The following SOX6 variants were observed in gnomAD, a reference collection of about 807,000 sequenced individuals.
SOX6 encodes the protein transcription factor SOX-6.
A neutral mutation model predicts 97.8 loss-of-function variants in SOX6; 11 were observed. That is an observed-to-expected ratio of 0.11 (90% confidence interval 0.07 to 0.19). The LOEUF is 0.19. Ranked by LOEUF, SOX6 falls within the 10% of genes least tolerant of loss-of-function variation. The pLI, the probability that SOX6 is intolerant of heterozygous loss-of-function variation, is 1.00. For missense variants in SOX6, 810 were observed against 1,039.5 expected, an observed-to-expected ratio of 0.78 and a Z score of 3.04; for synonymous variants, 360 against 371.4, an observed-to-expected ratio of 0.97 and a Z score of 0.35.
intron 4 of SOX6, among the ~76,000 whole-genome samples, chr11:16,579,207 G>A (rs1049502196): frequency 5.9e-5 from 9 of 151,796 alleles, no homozygotes; most frequent in Non-Finnish European, 8.8e-5. Context: ...TGTATACATA[G>A]CCTTTTTAGA....
chr11:16,293,198 C>T (rs1854965947), intron 3 of SOX6, among the ~76,000 whole-genome samples: 1 of 152,110 alleles, frequency 6.6e-6, no homozygotes, highest in Non-Finnish European at 1.5e-5. Flanking sequence ...CCATCATGTT[C>T]TCACACTGAA....
intron 3 of SOX6, among the ~76,000 whole-genome samples, chr11:16,669,370 T>C (rs963667632): frequency 6.6e-5 from 10 of 152,196 alleles, no homozygotes; most frequent in Non-Finnish European, 1.2e-4. Flanking sequence ...TAGAGCAACA[T>C]GGAGCCAAGG....
intron 4 of SOX6, among the ~76,000 whole-genome samples, chr11:16,514,013 C>A (rs895080579): frequency 4.6e-5 from 7 of 151,994 alleles, no homozygotes; most frequent in African/African-American, 1.7e-4. Context: ...GAGTTTGAGA[C>A]CAGCCTGGGC....
At chr11:16,657,863 T>A (rs1446364513) in intron 3 of SOX6, among the ~76,000 whole-genome samples, 1 of 152,204 alleles carries the variant, frequency 6.6e-6, no homozygotes, top group Admixed American at 6.5e-5. Flanking sequence ...GTTCCTTATA[T>A]GAAGGTTCTG....
chr11:16,420,089 AATTGTTCTCTTCTTACTCTG>A (rs1386601024), intron 1 of SOX6, among the ~76,000 whole-genome samples: 1 of 152,214 alleles, frequency 6.6e-6, no homozygotes, highest in African/African-American at 2.4e-5. Flanking sequence ...TCACAAATGT[AATTGTTCTCTTCTTACTCTG>A]ACGTTTTTAA....
intron 3 of SOX6, among the ~76,000 whole-genome samples, chr11:16,632,173 C>T (rs1363691512): frequency 6.6e-6 from 1 of 152,130 alleles, no homozygotes; most frequent in East Asian, 1.9e-4. Flanking sequence ...CAAAATTCTT[C>T]CTTTGGTTCC....
intron 1 of SOX6, among the ~76,000 whole-genome samples, chr11:16,407,040 T>G (rs1297178500): frequency 6.6e-6 from 1 of 152,140 alleles, no homozygotes; most frequent in Non-Finnish European, 1.5e-5. Flanking sequence ...TGTGAATCAG[T>G]TATACCTTAA....
chr11:16,521,576 T>C (rs567621481), intron 4 of SOX6, among the ~76,000 whole-genome samples: 1 of 152,240 alleles, frequency 6.6e-6, no homozygotes, highest in Admixed American at 6.5e-5. Context: ...GCAGAGCGCC[T>C]CTTCTCCTCC....
intron 4 of SOX6, among the ~76,000 whole-genome samples, chr11:16,502,808 C>T (rs908429941): frequency 6.6e-6 from 1 of 152,134 alleles, no homozygotes; most frequent in Non-Finnish European, 1.5e-5. Context: ...TTAACCAATT[C>T]ATAGCTAAAA....
chr11:16,616,901 C>T (rs1565194520), intron 3 of SOX6, among the ~76,000 whole-genome samples: 1 of 151,854 alleles, frequency 6.6e-6, no homozygotes, highest in Non-Finnish European at 1.5e-5. Flanking sequence ...TTCCAAACAA[C>T]ATCTTTTAAT....
intron 6 of SOX6, among the ~76,000 whole-genome samples, chr11:16,148,845 C>T (rs1203343033): frequency 6.6e-6 from 1 of 151,954 alleles, no homozygotes; most frequent in South Asian, 2.1e-4. Flanking sequence ...GCCCTTCCCC[C>T]AACATTAAGA....
intron 3 of SOX6, among the ~76,000 whole-genome samples, chr11:16,252,168 A>G (rs1233999785): frequency 6.6e-6 from 1 of 152,212 alleles, no homozygotes; most frequent in Non-Finnish European, 1.5e-5. Flanking sequence ...AAAAGAAGCA[A>G]AAAGAACATA....
At position 16,662,850 on chromosome 11, in the gene SOX6, C is replaced by T. The variant is rs374713634; in HGVS notation, n.430-50590G>A. On this transcript the variant is annotated intron_variant and non_coding_transcript_variant, in intron 3 of 5. Coordinates refer to the SOX6 transcript ENST00000524520. ...ATCTGACTAAAGGCACTTGCCATCA[C>T]GCCTGGCTTTTTTGGGGGAGGCGGG... 2.6e-4 allele frequency among the ~76,000 whole-genome samples: 39 copies of T among 152,182 alleles called. No individual in the cohort carries two copies. In the South Asian group the frequency reaches 6.6e-3, roughly 26 times the overall value.
At chr11:16,111,406 T>C (rs529391154) in intron 7 of SOX6, among the ~76,000 whole-genome samples, 2 of 152,328 alleles carry the variant, frequency 1.3e-5, no homozygotes, top group African/African-American at 4.8e-5. Context: ...CTAAGAGAAG[T>C]CTGACAACAA....
intron 3 of SOX6, among the ~76,000 whole-genome samples, chr11:16,707,296 CTG>C (rs1003752866): frequency 3.3e-5 from 5 of 151,116 alleles, no homozygotes; most frequent in African/African-American, 7.3e-5. Flanking sequence ...CAAATCATGT[CTG>C]TGTGTCAAAG....
intron 4 of SOX6, among the ~76,000 whole-genome samples, chr11:16,490,445 G>T (rs903447240): frequency 6.6e-6 from 1 of 151,866 alleles, no homozygotes; most frequent in Non-Finnish European, 1.5e-5. Flanking sequence ...TGTTTCCTGA[G>T]ATATTAATAT....
intron 7 of SOX6, among the ~76,000 whole-genome samples, chr11:16,101,651 A>C (rs1261048048): frequency 1.3e-5 from 2 of 151,688 alleles, no homozygotes; most frequent in African/African-American, 4.8e-5. Flanking sequence ...AACTCACATA[A>C]ATTCATCCCC....
chr11:16,014,859 A>G, intron 13 of SOX6, 83 bp downstream of exon 13: 1 of 1,315,070 alleles, frequency 7.6e-7, no homozygotes, highest in Non-Finnish European at 1.1e-6. Flanking sequence ...CCTATGAAAA[A>G]CTATAAAGAT....
Position 15,973,016 on chromosome 11 carries a change from A to G in SOX6, c.2280T>C (p.Ser760=). ...GGCTGGCCGAGGTGCTAGAGCAGTC[A>G]GATGTCATCTGAGGCGATGGTGTGG... The part of the protein sequence containing the change: ...ATTTPSPQMT[S]DCSSTSASPE... The change falls in exon 16 of 16, where the codon TCT becomes TCC. Residue 760 remains serine, a synonymous_variant. Transcript: ENST00000683767. The G allele has an allele frequency of 6.2e-7, 1 of 1,614,154 alleles. No individual in the cohort carries two copies. Among genetic ancestry groups the G allele is most frequent in the Non-Finnish European group, 8.5e-7 (1 of 1,180,006 alleles).
Sources: allele counts gnomAD v4.1 joint callset (sites outside exome capture counted in the v4.1 genomes callset), GRCh38; gene constraint gnomAD v4.1.1; transcripts MANE v1.5; gene names NCBI Gene and HGNC (gene_info 2026-07-23, HGNC 2026-07-21).